Variants in TECRL observed in about 807,000 individuals in gnomAD.
TECRL encodes trans-2,3-enoyl-CoA reductase like, also known as trans-2,3-enoyl-CoA reductase-like.
TECRL carries 63 observed loss-of-function variants against 52.8 expected under a neutral mutation model. That is an observed-to-expected ratio of 1.19 (90% confidence interval 0.97 to 1.47). The LOEUF is 1.47. Ranked by LOEUF, TECRL falls within the 40% of genes most tolerant of loss-of-function variation. The pLI, the probability that TECRL is intolerant of heterozygous loss-of-function variation, is 0.00. For synonymous variants in TECRL, 164 were observed against 141.9 expected (o/e 1.16, Z -1.10); for missense variants, 482 against 429.6 (o/e 1.12, Z -1.08).
intron 3 of TECRL, among the ~76,000 whole-genome samples, chr4:64,323,874 G>C (rs1718071263): frequency 6.6e-6 from 1 of 152,184 alleles, no homozygotes; most frequent in Non-Finnish European, 1.5e-5. Flanking sequence ...AAAATTAAGA[G>C]TCCTTAAGGT....
intron 1 of TECRL, among the ~76,000 whole-genome samples, chr4:64,404,284 T>C (rs1195065348): frequency 6.7e-6 from 1 of 149,804 alleles, no homozygotes; most frequent in East Asian, 2.0e-4. Context: ...GGAGAAAAGA[T>C]TGAAGAAAAT....
At chr4:64,353,051 A>G (rs942598511) in intron 2 of TECRL, among the ~76,000 whole-genome samples, 21 of 152,286 alleles carry the variant, frequency 1.4e-4, no homozygotes, top group African/African-American at 5.1e-4. Context: ...AAATTTTTAT[A>G]CTACTGGACT....
intron 1 of TECRL, among the ~76,000 whole-genome samples, chr4:64,399,675 G>C (rs964807811): frequency 6.6e-6 from 1 of 152,194 alleles, no homozygotes; most frequent in Non-Finnish European, 1.5e-5. Flanking sequence ...GGTGCAAAGG[G>C]ACTTATGTAC....
intron 2 of TECRL, among the ~76,000 whole-genome samples, chr4:64,371,710 T>C (rs1721982312): frequency 6.6e-6 from 1 of 151,752 alleles, no homozygotes; most frequent in South Asian, 2.1e-4. Flanking sequence ...CTAGCCACTT[T>C]ATAAAATCAA....
intron 1 of TECRL, among the ~76,000 whole-genome samples, chr4:64,407,083 C>G (rs1040585217): frequency 4.0e-5 from 6 of 151,696 alleles, no homozygotes; most frequent in Non-Finnish European, 8.8e-5. Context: ...AACAGTTTAT[C>G]AATTTACAAA....
chr4:64,341,351 A>C (rs1165469389), intron 2 of TECRL, among the ~76,000 whole-genome samples: 3 of 152,162 alleles, frequency 2.0e-5, no homozygotes, highest in African/African-American at 7.2e-5. Context: ...CTGTAATCTC[A>C]GCACTTTGGG....
intron 3 of TECRL, among the ~76,000 whole-genome samples, chr4:64,326,456 AC>A (rs1718268459): frequency 6.6e-6 from 1 of 151,896 alleles, no homozygotes; most frequent in Non-Finnish European, 1.5e-5. Context: ...TCATATTCCC[AC>A]CCCTTGAATA....
chr4:64,327,274 A>G (rs1415790008), intron 3 of TECRL, among the ~76,000 whole-genome samples: 1 of 152,040 alleles, frequency 6.6e-6, no homozygotes, highest in African/African-American at 2.4e-5. Flanking sequence ...CTCACACCCC[A>G]TCCTGGTACA....
chr4:64,380,684 G>A (rs1722727362), intron 1 of TECRL, among the ~76,000 whole-genome samples: 1 of 151,856 alleles, frequency 6.6e-6, no homozygotes, highest in African/African-American at 2.4e-5. Context: ...TATATTGTTG[G>A]CATCTTTGAA....
chr4:64,322,987 C>T (rs1022189622), intron 3 of TECRL, among the ~76,000 whole-genome samples, 195 bp from the exon 4 acceptor site: 2 of 152,082 alleles, frequency 1.3e-5, no homozygotes, highest in Non-Finnish European at 1.5e-5. Context: ...TCTTCAAATG[C>T]ACAGTGGTTT....
Position 64,279,872 on chromosome 4 carries a change from T to C in TECRL, c.*200A>G, listed in dbSNP as rs957414337. 1.6e-5 allele frequency: 18 copies of C among 1,124,740 alleles called. No homozygotes were observed. Among genetic ancestry groups the C allele is most frequent in the Non-Finnish European group, 2.0e-5 (18 of 919,420 alleles). The allele number at this position is 1,124,740 out of a possible 1,614,324, so 69.7% of individuals were successfully genotyped here. A position where few individuals can be genotyped will look rare whatever the true frequency, so the allele number is the denominator to read the frequency against. On this transcript the variant is annotated 3_prime_UTR_variant, in exon 12 of 12. Transcript: ENST00000381210. The stretch of plus-strand genomic sequence containing the variant: ...CAAATACATTCAGAGCTGTTCTTAG[T>C]TAATTGCATTTATAATTTATACTTT...
chr4:64,408,855 A>G (rs1414028049), intron 1 of TECRL, among the ~76,000 whole-genome samples: 1 of 152,150 alleles, frequency 6.6e-6, no homozygotes, highest in Admixed American at 6.6e-5. Flanking sequence ...ATGGTCAATG[A>G]CAGCATAAAA....
chr4:64,348,208 A>G (rs1720127140), intron 2 of TECRL, among the ~76,000 whole-genome samples: 1 of 152,282 alleles, frequency 6.6e-6, no homozygotes, highest in Admixed American at 6.5e-5. Flanking sequence ...AGATATAATC[A>G]TGGCGGAAGG....
intron 2 of TECRL, among the ~76,000 whole-genome samples, chr4:64,361,940 A>G (rs1721231134): frequency 1.3e-5 from 2 of 152,170 alleles, no homozygotes; most frequent in African/African-American, 4.8e-5. Flanking sequence ...GAAGGTTAAA[A>G]TCCAATCCAA....
chr4:64,292,597 A>G (rs953990108), intron 8 of TECRL, among the ~76,000 whole-genome samples: 1 of 152,050 alleles, frequency 6.6e-6, no homozygotes, highest in African/African-American at 2.4e-5. Context: ...ATCATTCACA[A>G]TTAAAAATTT....
chr4:64,313,197 A>T (rs1717186885), intron 5 of TECRL, among the ~76,000 whole-genome samples: 1 of 152,152 alleles, frequency 6.6e-6, no homozygotes, highest in African/African-American at 2.4e-5. Context: ...GAAAGTTAGG[A>T]TGAAATTAGT....
chr4:64,344,219 A>G (rs954164739), intron 2 of TECRL, among the ~76,000 whole-genome samples: 1 of 151,374 alleles, frequency 6.6e-6, no homozygotes, highest in African/African-American at 2.4e-5. Context: ...ATTTATACAT[A>G]TAAGATGATA....
intron 1 of TECRL, among the ~76,000 whole-genome samples, chr4:64,394,871 AT>A (rs1285829330): frequency 6.9e-6 from 1 of 145,808 alleles, no homozygotes; most frequent in Non-Finnish European, 1.5e-5. Context: ...AAATATAAAT[AT>A]TTTCCTAATG....
intron 7 of TECRL, among the ~76,000 whole-genome samples, chr4:64,301,372 G>A (rs1724009955): frequency 6.6e-6 from 1 of 150,982 alleles, no homozygotes; most frequent in South Asian, 2.1e-4. Context: ...CCAAATCACA[G>A]TTGGTTGCTA....
Sources: gnomAD v4.1 joint callset for allele counts (sites outside exome capture counted in the v4.1 genomes callset) on GRCh38, gnomAD v4.1.1 for gene constraint, MANE v1.5 for transcripts, NCBI Gene and HGNC (gene_info 2026-07-23, HGNC 2026-07-21) for gene names.